Variants in OPCML observed in about 807,000 individuals in gnomAD.
OPCML encodes opioid-binding protein/cell adhesion molecule.
OPCML carries 13 observed loss-of-function variants against 37.8 expected under a neutral mutation model. That is an observed-to-expected ratio of 0.34 (90% CI 0.22 to 0.55). The LOEUF (loss-of-function observed/expected upper bound fraction) is 0.55. Among genes scored for constraint, OPCML ranks in the 20% least tolerant of loss-of-function variants. OPCML has a pLI of 0.91. For missense variants in OPCML, 341 were observed against 435.6 expected, an observed-to-expected ratio of 0.78 and a Z score of 1.93; for synonymous variants, 176 against 168.8, an observed-to-expected ratio of 1.04 and a Z score of -0.33.
intron 1 of OPCML, among the ~76,000 whole-genome samples, chr11:133,353,707 T>C (rs1944196314): frequency 6.6e-6 from 1 of 152,204 alleles, no homozygotes; most frequent in Admixed American, 6.5e-5. Context: ...TGCTCTCTAC[T>C]TCCAGCCACT....
intron 1 of OPCML, chr11:133,065,716 G>A (rs1420571260): frequency 1.3e-5 from 2 of 152,338 alleles, no homozygotes; most frequent in African/African-American, 4.8e-5. Context: ...GCTTCACTTG[G>A]ACTCACTGGA....
intron 3 of OPCML, among the ~76,000 whole-genome samples, chr11:132,570,755 G>GTATATATATA (rs71477765): frequency 0.01 from 315 of 30,096 alleles, 13 homozygotes; most frequent in Non-Finnish European, 0.014. Flanking sequence ...AGGAAAGAGA[G>GTATATATATA]TATATATATA....
At chr11:133,245,106 C>T (rs1940873368) in intron 1 of OPCML, among the ~76,000 whole-genome samples, 1 of 152,276 alleles carries the variant, frequency 6.6e-6, no homozygotes, top group East Asian at 1.9e-4. Flanking sequence ...AAAAGGTGGA[C>T]TTCAAGGAAG....
At chr11:132,439,472 G>T (rs2096024615) in intron 4 of OPCML, among the ~76,000 whole-genome samples, 1 of 152,186 alleles carries the variant, frequency 6.6e-6, no homozygotes, top group Admixed American at 6.5e-5. Flanking sequence ...ATCCAGGCTA[G>T]TTCATACACT....
At chr11:132,608,052 T>A (rs990845758) in intron 3 of OPCML, among the ~76,000 whole-genome samples, 3 of 152,230 alleles carry the variant, frequency 2.0e-5, no homozygotes, top group Non-Finnish European at 4.4e-5. Context: ...TTTGAGGTGA[T>A]TTGATTACCC....
intron 3 of OPCML, among the ~76,000 whole-genome samples, chr11:132,564,832 C>A (rs866981344): frequency 6.6e-6 from 1 of 152,046 alleles, no homozygotes; most frequent in Non-Finnish European, 1.5e-5. Flanking sequence ...ACAAAGTCAA[C>A]GGGGTATGGT....
At chr11:133,102,790 CAAA>C (rs562017556) in intron 1 of OPCML, among the ~76,000 whole-genome samples, 8 of 151,152 alleles carry the variant, frequency 5.3e-5, no homozygotes, top group African/African-American at 1.9e-4. Flanking sequence ...ACAACAACAA[CAAA>C]AAAAACTATG....
intron 3 of OPCML, among the ~76,000 whole-genome samples, chr11:132,590,511 A>G (rs2096482600): frequency 6.6e-6 from 1 of 152,178 alleles, no homozygotes; most frequent in African/African-American, 2.4e-5. Flanking sequence ...TCTGTGGTTT[A>G]TAAGGCCATG....
chr11:132,882,501 G>A (rs367899712), intron 2 of OPCML, among the ~76,000 whole-genome samples: 1 of 152,174 alleles, frequency 6.6e-6, no homozygotes, highest in African/African-American at 2.4e-5. Context: ...TCATTCTGGA[G>A]TCACTGGAAT....
At chr11:132,878,158 G>A (rs1354185509) in intron 2 of OPCML, among the ~76,000 whole-genome samples, 5 of 149,594 alleles carry the variant, frequency 3.3e-5, no homozygotes, top group Non-Finnish European at 7.4e-5. Context: ...CTCCAGCCTG[G>A]GCGAGAGATC....
chr11:132,747,672 G>C (rs927918435), intron 2 of OPCML, among the ~76,000 whole-genome samples: 1 of 152,200 alleles, frequency 6.6e-6, no homozygotes, highest in African/African-American at 2.4e-5. Context: ...TCCGGTGAAA[G>C]AGCAACAGAA....
At chr11:133,460,820 A>G (rs1946841442) in intron 1 of OPCML, among the ~76,000 whole-genome samples, 1 of 151,920 alleles carries the variant, frequency 6.6e-6, no homozygotes, top group African/African-American at 2.4e-5. Flanking sequence ...ATGCTTCCTA[A>G]TTCTCTAGAA....
At chr11:133,485,376 T>G (rs1042603415) in intron 1 of OPCML, among the ~76,000 whole-genome samples, 18 of 152,198 alleles carry the variant, frequency 1.2e-4, no homozygotes, top group Non-Finnish European at 2.1e-4. Context: ...TGGAGGAATT[T>G]TTTTAATGTC....
chr11:132,518,459 T>C (rs1467805690), intron 4 of OPCML, among the ~76,000 whole-genome samples: 2 of 152,196 alleles, frequency 1.3e-5, no homozygotes, highest in Admixed American at 6.5e-5. Flanking sequence ...CAGGCCATTG[T>C]CTCACCTGCT....
intron 1 of OPCML, among the ~76,000 whole-genome samples, chr11:133,402,091 T>A (rs1945416109): frequency 6.6e-6 from 1 of 152,144 alleles, no homozygotes; most frequent in South Asian, 2.1e-4. Flanking sequence ...GCTGGGTAAT[T>A]TATAAAGAAC....
chr11:133,134,487 A>G (rs1334587363), intron 1 of OPCML, among the ~76,000 whole-genome samples: 1 of 151,532 alleles, frequency 6.6e-6, no homozygotes, highest in East Asian at 1.9e-4. Context: ...TGGGTGAGTG[A>G]GCTGCATATG....
intron 2 of OPCML, among the ~76,000 whole-genome samples, chr11:132,919,422 G>A (rs1944714280): frequency 6.6e-6 from 1 of 152,212 alleles, no homozygotes; most frequent in Non-Finnish European, 1.5e-5. Context: ...CCAGGCTGAA[G>A]TCTGGGAACT....
At chr11:133,513,959 A>T (rs867060073) in intron 1 of OPCML, among the ~76,000 whole-genome samples, 1 of 152,206 alleles carries the variant, frequency 6.6e-6, no homozygotes. Context: ...CAGGAAAAAA[A>T]TCATGATTCA....
At chr11:133,054,987 A>G (rs1349666928) in intron 1 of OPCML, among the ~76,000 whole-genome samples, 21 of 150,252 alleles carry the variant, frequency 1.4e-4, no homozygotes, top group African/African-American at 4.9e-4. Context: ...CTATCGTACA[A>G]TGCTGCCTCC....
Sources: gnomAD v4.1 joint callset for allele counts (sites outside exome capture counted in the v4.1 genomes callset) on GRCh38, gnomAD v4.1.1 for gene constraint, MANE v1.5 for transcripts, NCBI Gene and HGNC (gene_info 2026-07-23, HGNC 2026-07-21) for gene names.